Variants in KIF26B observed in about 807,000 individuals in gnomAD.
The protein encoded by KIF26B is kinesin-like protein KIF26B.
Under a neutral mutation model 151.2 loss-of-function variants are expected in KIF26B, and 63 were observed. The observed-to-expected ratio is 0.42, with a 90% confidence interval of 0.34 to 0.51. The LOEUF is 0.51. Ranked by LOEUF, KIF26B falls within the 20% of genes least tolerant of loss-of-function variation. The pLI is 0.07. For missense variants in KIF26B, 2,813 were observed against 2,913.6 expected (o/e 0.97, Z 0.79); for synonymous variants, 1,357 against 1,262.1 (o/e 1.08, Z -1.59).
chr1:245,311,152 GTC>G (rs562956279), intron 2 of KIF26B, among the ~76,000 whole-genome samples: 49 of 152,310 alleles, frequency 3.2e-4, no homozygotes, highest in African/African-American at 1.2e-3. Flanking sequence ...AGACTCGCCT[GTC>G]TCTGGTTTTT....
At chr1:245,219,876 C>T (rs1669728654) in intron 2 of KIF26B, among the ~76,000 whole-genome samples, 1 of 152,240 alleles carries the variant, frequency 6.6e-6, no homozygotes, top group African/African-American at 2.4e-5. Context: ...AGAGCACTGA[C>T]TCCCACCCAG....
At chr1:245,614,634 C>G (rs1451170762) in intron 9 of KIF26B, 1 of 152,252 alleles carries the variant, frequency 6.6e-6, no homozygotes, top group Non-Finnish European at 1.5e-5. Flanking sequence ...TGTGAAGAAC[C>G]GAGAGGTTCT....
intron 5 of KIF26B, among the ~76,000 whole-genome samples, chr1:245,548,837 G>C (rs569503450): frequency 0.018 from 2,803 of 151,648 alleles, 89 homozygotes; most frequent in African/African-American, 0.064. Flanking sequence ...TCCGCCTCCC[G>C]GTTTCAAGCA....
At chr1:245,210,289 G>T (rs1446419331) in intron 2 of KIF26B, among the ~76,000 whole-genome samples, 1 of 152,182 alleles carries the variant, frequency 6.6e-6, no homozygotes, top group Non-Finnish European at 1.5e-5. Context: ...CTGCCTAGGT[G>T]GCACCATGGG....
At chr1:245,303,360 G>A (rs916679436) in intron 2 of KIF26B, among the ~76,000 whole-genome samples, 13 of 150,920 alleles carry the variant, frequency 8.6e-5, no homozygotes, top group South Asian at 2.1e-4. Flanking sequence ...CACCACGCCC[G>A]GCTAATTTTT....
At chr1:245,362,502 C>T (rs562552635) in intron 2 of KIF26B, among the ~76,000 whole-genome samples, 62 of 150,894 alleles carry the variant, frequency 4.1e-4, no homozygotes, top group Admixed American at 1.4e-3. Context: ...CGCACCACTG[C>T]GCTCCAGTCT....
intron 4 of KIF26B, among the ~76,000 whole-genome samples, chr1:245,472,279 T>C (rs1019025354): frequency 2.0e-5 from 3 of 152,194 alleles, no homozygotes; most frequent in East Asian, 1.9e-4. Flanking sequence ...CACGTATTTA[T>C]TGAGGAATAA....
intron 2 of KIF26B, among the ~76,000 whole-genome samples, chr1:245,275,755 C>T (rs1048700185): frequency 6.6e-6 from 1 of 152,106 alleles, no homozygotes; most frequent in Non-Finnish European, 1.5e-5. Flanking sequence ...GAACTTTATA[C>T]TTTTATATGC....
At chr1:245,209,596 G>A (rs1362292560) in intron 2 of KIF26B, among the ~76,000 whole-genome samples, 3 of 152,148 alleles carry the variant, frequency 2.0e-5, no homozygotes, top group Admixed American at 6.5e-5. Flanking sequence ...GGGGTGAGCC[G>A]GGAAGCCTTC....
intron 9 of KIF26B, among the ~76,000 whole-genome samples, chr1:245,631,398 C>T (rs969109152): frequency 5.3e-5 from 8 of 151,854 alleles, no homozygotes; most frequent in Non-Finnish European, 7.4e-5. Flanking sequence ...TTGTTTTAGT[C>T]TCTCATATGT....
chr1:245,699,114 G>T, intron 14 of KIF26B, 77 bp downstream of exon 14: 1 of 1,454,272 alleles, frequency 6.9e-7, no homozygotes, highest in Non-Finnish European at 9.5e-7. Flanking sequence ...AGCCCAGGGT[G>T]ACAGTGACAC....
At chr1:245,523,530 C>T (rs1661177455) in intron 4 of KIF26B, among the ~76,000 whole-genome samples, 2 of 152,056 alleles carry the variant, frequency 1.3e-5, no homozygotes, top group Admixed American at 6.6e-5. Flanking sequence ...TTCTAGAGGC[C>T]GAGAAGTTAA....
intron 4 of KIF26B, among the ~76,000 whole-genome samples, chr1:245,432,104 T>C (rs1011898067): frequency 1.3e-5 from 2 of 151,946 alleles, no homozygotes; most frequent in African/African-American, 2.4e-5. Flanking sequence ...AAAATTACAA[T>C]AATCCCACCT....
intron 2 of KIF26B, among the ~76,000 whole-genome samples, chr1:245,258,004 G>C (rs1670571183): frequency 6.6e-6 from 1 of 151,848 alleles, no homozygotes; most frequent in South Asian, 2.1e-4. Context: ...CCTGGTGACA[G>C]AGTGAGACTC....
intron 2 of KIF26B, among the ~76,000 whole-genome samples, chr1:245,264,691 G>C (rs527979247): frequency 6.6e-6 from 1 of 151,868 alleles, no homozygotes; most frequent in South Asian, 2.1e-4. Flanking sequence ...TCAGGAGATC[G>C]AGACCGTCCT....
chr1:245,480,332 T>C (rs1660139539), intron 4 of KIF26B, among the ~76,000 whole-genome samples: 1 of 151,414 alleles, frequency 6.6e-6, no homozygotes, highest in African/African-American at 2.4e-5. Context: ...TTGGGCATGG[T>C]ACCTGGGCCA....
intron 2 of KIF26B, among the ~76,000 whole-genome samples, chr1:245,163,249 C>G (rs1387594859): frequency 6.6e-6 from 1 of 152,174 alleles, no homozygotes; most frequent in Non-Finnish European, 1.5e-5. Flanking sequence ...TCAAGCAGTT[C>G]TCCCGCCTCA....
At chr1:245,660,887 C>T (rs1423850004) in intron 10 of KIF26B, among the ~76,000 whole-genome samples, 1 of 152,138 alleles carries the variant, frequency 6.6e-6, no homozygotes, top group African/African-American at 2.4e-5. Flanking sequence ...GCGATCTTGG[C>T]TCACTGCAGC....
intron 4 of KIF26B, among the ~76,000 whole-genome samples, chr1:245,424,082 A>C: frequency 6.6e-6 from 1 of 152,112 alleles, no homozygotes; most frequent in African/African-American, 2.4e-5. Context: ...AGGCTCAAGC[A>C]ATCCTTCCAC....
Sources: gnomAD v4.1 joint callset for allele counts (sites outside exome capture counted in the v4.1 genomes callset) on GRCh38, gnomAD v4.1.1 for gene constraint, MANE v1.5 for transcripts, NCBI Gene and HGNC (gene_info 2026-07-23, HGNC 2026-07-21) for gene names.